HIP1R: variants seen among roughly 807,000 people sequenced by gnomAD.
HIP1R encodes huntingtin-interacting protein 1-related protein.
A neutral mutation model predicts 144.2 loss-of-function variants in HIP1R; 135 were observed. The ratio of observed to expected loss-of-function variants is 0.94; its 90% CI spans 0.81 to 1.08. The LOEUF (loss-of-function observed/expected upper bound fraction) is 1.08. HIP1R is among the 50% of genes least tolerant of loss of function. The pLI is 0.00. For missense variants in HIP1R, 1,462 were observed against 1,432.8 expected, an observed-to-expected ratio of 1.02 and a Z score of -0.33; for synonymous variants, 698 against 612.8, an observed-to-expected ratio of 1.14 and a Z score of -2.05.
At chr12:122,856,764 G>T in intron 17 of HIP1R, 38 bp downstream of exon 17, 1 of 1,493,232 alleles carries the variant, frequency 6.7e-7, no homozygotes, top group Non-Finnish European at 9.1e-7. Flanking sequence ...GGGGTTCTGG[G>T]GCCAGTCCTG....
chr12:122,841,031 T>C (rs2135631852), intron 1 of HIP1R, among the ~76,000 whole-genome samples: 1 of 152,258 alleles, frequency 6.6e-6, no homozygotes, highest in East Asian at 1.9e-4. Context: ...GTGGAAAGCC[T>C]CTGAGTGGAG....
At chr12:122,852,073 C>G (rs543886764) in intron 7 of HIP1R, among the ~76,000 whole-genome samples, 1 of 152,372 alleles carries the variant, frequency 6.6e-6, no homozygotes, top group South Asian at 2.1e-4. Flanking sequence ...GGCTGGAGAA[C>G]TGATTGTTCT....
chr12:122,847,323 T>G (rs2033238793), intron 1 of HIP1R, among the ~76,000 whole-genome samples: 1 of 152,036 alleles, frequency 6.6e-6, no homozygotes, highest in African/African-American at 2.4e-5. Flanking sequence ...GGGGTGAGAC[T>G]GCCATAGGTG....
In HIP1R at chr12:122,856,740, T is replaced by C; in HGVS notation, c.1620+14T>C. The stretch of plus-strand genomic sequence containing the variant: ...CACACAGAGCAGGTGCATCTGGCTT[T>C]GATGACTGGAGGTGGGGTTCTGGGG... On this transcript the variant is annotated intron_variant, in intron 17 of 31. Transcript: ENST00000253083. 1 of 1,553,520 alleles carries C rather than the reference T, an allele frequency of 6.4e-7. No individual in the cohort carries two copies. The highest frequency in any genetic ancestry group is 2.4e-5 in the East Asian group (1 of 42,070).
At position 122,862,129 on chromosome 12, in the gene HIP1R, C is replaced by T. The variant is rs374641810; in HGVS notation, c.*376C>T. On this transcript the variant is annotated 3_prime_UTR_variant, in exon 32 of 32. Transcript: ENST00000253083. ...TCAGCACACTGGGAAACCGGGCCAG[C>T]GTGGGGCTCCCTGCCTTCTGGACTC... 3 of 197,278 alleles carry T rather than the reference C, an allele frequency of 1.5e-5. No homozygotes were observed. Among genetic ancestry groups the T allele is most frequent in the Admixed American group, 5.8e-5 (1 of 17,146 alleles). 12.2% of individuals were successfully genotyped at this position (197,278 alleles called of 1,614,324 possible).
rs2033020417 is a variant in HIP1R at position 122,840,222 on chromosome 12, C to T, written c.93+4579C>T. 6.6e-6 allele frequency among the ~76,000 whole-genome samples: 1 copy of T among 152,232 alleles called. No homozygotes were observed. Among genetic ancestry groups the T allele is most frequent in the Non-Finnish European group, 1.5e-5 (1 of 68,042 alleles). ...TTGGGGTGGGAAGGGGCCACCCATC[C>T]TTGACCTCCCCCTCCCTGTCTCTGA... On this transcript the variant is annotated intron_variant, in intron 1 of 31. Transcript: ENST00000253083. This position sits in a 1 kb window ranked among gnomAD's most constrained non-coding sequence, Gnocchi z 4.2.
rs756077867 is a variant in HIP1R, at chr12:122,858,330, G to C, written c.1964-19G>C. ...TGAGCAGCGGGTGGCAGGGGCCTCA[G>C]TTCTCCTCGTGCTTGCAGACTACCT... is the stretch of plus-strand genomic sequence containing the variant. On this transcript the variant is annotated intron_variant, in intron 19 of 31. Transcript: ENST00000253083. The C allele has an allele frequency of 5.6e-6, 9 of 1,602,484 alleles. No homozygotes were observed. The East Asian group carries it at 2.0e-4, about 36-fold the overall frequency.
At chr12:122,849,044 A>G (rs998763571) in intron 4 of HIP1R, among the ~76,000 whole-genome samples, 192 bp downstream of exon 4, 9 of 152,176 alleles carry the variant, frequency 5.9e-5, no homozygotes, top group Admixed American at 1.3e-4. Context: ...CCACACGCAT[A>G]ACCAGTGGGC....
intron 22 of HIP1R, 46 bp from the exon 23 acceptor site, chr12:122,859,380 C>T (rs765055084): frequency 8.6e-6 from 13 of 1,511,142 alleles, no homozygotes; most frequent in Admixed American, 1.7e-5. Context: ...GCCCGTGGGA[C>T]GGGGGGGGAC....
At chr12:122,859,604 C>T (rs2033703076) in intron 23 of HIP1R, 68 bp downstream of exon 23, 4 of 1,416,230 alleles carry the variant, frequency 2.8e-6, no homozygotes, top group Non-Finnish European at 3.9e-6. Context: ...CCCAACTGGG[C>T]TGGGTACAGG....
rs771556796 is a variant in HIP1R at position 122,856,492 on chromosome 12, G to A, written c.1462G>A (p.Val488Met). Residue 488 changes from valine to methionine, a missense_variant, in exon 16 of 32, where the codon GTG becomes ATG. Around this residue, in one of 2 missense-constraint regions of HIP1R, gnomAD observed 1,112 missense variants for 1,011.7 expected, o/e 1.10. Transcript: ENST00000253083. Reference protein sequence around the residue: ...TQQSQEEVARVKEQLAFQVEQ... With the variant: ...TQQSQEEVARMKEQLAFQVEQ... ...GCAAAGCCAGGAGGAGGTGGCGCGG[G>A]TGAAGGAGCAGCTGGCCTTCCAGGT... 2 of 1,592,754 alleles carry A rather than the reference G, an allele frequency of 1.3e-6. No individual in the cohort carries two copies. Among genetic ancestry groups the A allele is most frequent in the Non-Finnish European group, 1.7e-6 (2 of 1,169,158 alleles).
chr12:122,849,486 C>G (rs2292134), intron 4 of HIP1R, among the ~76,000 whole-genome samples: 127,678 of 152,294 alleles, frequency 0.84, 53,850 homozygotes, highest in Middle Eastern at 0.91. Context: ...GAAAACACTG[C>G]CCATGGTGCC....
At chr12:122,854,857 CCT>C (rs773105255) in intron 8 of HIP1R, 46 bp from the exon 9 acceptor site, 3 of 1,590,112 alleles carry the variant, frequency 1.9e-6, no homozygotes, top group Non-Finnish European at 2.6e-6. Flanking sequence ...CAGGTGAGCC[CCT>C]GAGCAGTGTG....
chr12:122,843,966 C>T (rs2033136326), intron 1 of HIP1R, among the ~76,000 whole-genome samples: 1 of 152,020 alleles, frequency 6.6e-6, no homozygotes, highest in African/African-American at 2.4e-5. Flanking sequence ...GCCTCAGCTT[C>T]CTGAGTAACT....
intron 7 of HIP1R, among the ~76,000 whole-genome samples, chr12:122,852,673 C>G (rs745761440): frequency 1.3e-5 from 2 of 152,194 alleles, no homozygotes; most frequent in African/African-American, 4.8e-5. Flanking sequence ...ACACAAACGT[C>G]CTAAACATGC....
intron 1 of HIP1R, among the ~76,000 whole-genome samples, chr12:122,846,849 C>T (rs1170995574): frequency 6.6e-6 from 1 of 152,240 alleles, no homozygotes. Flanking sequence ...CCCGGGCTGG[C>T]TTTTCTCACA....
At chr12:122,837,098 G>A (rs2032920689) in intron 1 of HIP1R, among the ~76,000 whole-genome samples, 1 of 152,214 alleles carries the variant, frequency 6.6e-6, no homozygotes, top group Non-Finnish European at 1.5e-5. Flanking sequence ...TCTGGATGTT[G>A]TCAGAAACTT....
Position 122,861,965 on chromosome 12 carries a change from G to A in HIP1R, c.*212G>A. 1.8e-6 allele frequency: 1 copy of A among 541,236 alleles called. No individual in the cohort carries two copies. Among genetic ancestry groups the A allele is most frequent in the Non-Finnish European group, 3.3e-6 (1 of 307,246 alleles). The allele number at this position is 541,236 out of a possible 1,614,324, so 33.5% of individuals were successfully genotyped here. ...CTGGATGTGAGTCTCTTATTTATCT[G>A]CAGAAGGAACTTTGGGGTGCAGCCA... On this transcript the variant is annotated 3_prime_UTR_variant, in exon 32 of 32. Transcript: ENST00000253083.
chr12:122,859,680 G>A (rs1187716973), intron 23 of HIP1R, 92 bp from the exon 24 acceptor site: 2 of 1,480,434 alleles, frequency 1.4e-6, no homozygotes, highest in East Asian at 2.3e-5. Context: ...GGCCTGTGAG[G>A]TCAGAGCTGA....
Sources: gnomAD v4.1 joint callset for allele counts (sites outside exome capture counted in the v4.1 genomes callset) on GRCh38, gnomAD v4.1.1 for gene constraint, gnomAD v4.1.1 regional missense constraint, Gnocchi (gnomAD v3.1) non-coding constraint, MANE v1.5 for transcripts, NCBI Gene and HGNC (gene_info 2026-07-23, HGNC 2026-07-21) for gene names.